The following GALNT17 variants were observed in gnomAD, a reference collection of about 807,000 sequenced individuals.
GALNT17 encodes the protein UDP-GalNAc:polypeptide N-acetylgalactosaminyltransferase-like 3.
In GALNT17, 29 loss-of-function variants were observed where a neutral mutation model predicts 63.7. The ratio of observed to expected loss-of-function variants is 0.46; its 90% confidence interval spans 0.34 to 0.62. GALNT17 has a LOEUF of 0.62. GALNT17 is among the 20% of genes least tolerant of loss of function. GALNT17 has a pLI of 0.01. For missense variants in GALNT17, 603 were observed against 799.6 expected (o/e 0.75, Z 2.97); for synonymous variants, 305 against 318.3 (o/e 0.96, Z 0.45).
intron 1 of GALNT17, among the ~76,000 whole-genome samples, chr7:71,234,982 G>A (rs147544960): frequency 1.1e-3 from 162 of 152,300 alleles, no homozygotes; most frequent in Middle Eastern, 0.01. Context: ...GGGGCGCGGT[G>A]GCTCATGCCT....
chr7:71,444,196 C>G (rs1370395920), intron 5 of GALNT17, among the ~76,000 whole-genome samples: 3 of 152,160 alleles, frequency 2.0e-5, no homozygotes, highest in African/African-American at 7.2e-5. Flanking sequence ...CCCATCTGAC[C>G]CAGATCTCTA....
At chr7:71,289,689 G>A (rs1281450943) in intron 1 of GALNT17, among the ~76,000 whole-genome samples, 2 of 152,098 alleles carry the variant, frequency 1.3e-5, no homozygotes, top group African/African-American at 4.8e-5. Flanking sequence ...AGACCAGCCT[G>A]ACCAAGATAG....
chr7:71,337,535 T>C (rs895420329), intron 2 of GALNT17, among the ~76,000 whole-genome samples: 2 of 152,132 alleles, frequency 1.3e-5, no homozygotes, highest in Admixed American at 6.6e-5. Flanking sequence ...AGGTTATTGT[T>C]TCAACTTACA....
intron 5 of GALNT17, among the ~76,000 whole-genome samples, chr7:71,555,513 A>G (rs1241072748): frequency 6.6e-6 from 1 of 150,788 alleles, no homozygotes. Flanking sequence ...TCATGACCCA[A>G]ACAGGTCCCA....
At chr7:71,670,716 G>A (rs568391531) in intron 8 of GALNT17, among the ~76,000 whole-genome samples, 1 of 152,266 alleles carries the variant, frequency 6.6e-6, no homozygotes, top group South Asian at 2.1e-4. Context: ...TTCACCTTAT[G>A]AGAGATTAGC....
intron 2 of GALNT17, among the ~76,000 whole-genome samples, chr7:71,338,988 C>T (rs1791961352): frequency 6.6e-6 from 1 of 152,166 alleles, no homozygotes. Context: ...TTTTGTGTCC[C>T]TGGACTTTTG....
chr7:71,440,150 G>A (rs1186315535), intron 5 of GALNT17, among the ~76,000 whole-genome samples: 1 of 151,582 alleles, frequency 6.6e-6, no homozygotes, highest in South Asian at 2.1e-4. Flanking sequence ...GACTGGTCTC[G>A]AACTCCTGAC....
intron 1 of GALNT17, among the ~76,000 whole-genome samples, chr7:71,311,402 T>C (rs768705485): frequency 6.6e-6 from 1 of 152,190 alleles, no homozygotes; most frequent in Non-Finnish European, 1.5e-5. Context: ...AAGCATCTTA[T>C]GTTTGGAGAT....
chr7:71,357,672 C>G (rs1001946033), intron 2 of GALNT17, among the ~76,000 whole-genome samples: 15 of 152,066 alleles, frequency 9.9e-5, no homozygotes, highest in African/African-American at 3.6e-4. Flanking sequence ...TTTGGGAGGT[C>G]AAGGTGGGTG....
intron 5 of GALNT17, among the ~76,000 whole-genome samples, chr7:71,433,952 G>T (rs1786913725): frequency 4.7e-5 from 1 of 21,458 alleles, no homozygotes; most frequent in African/African-American, 2.9e-4. Context: ...ATAAAAGCAG[G>T]CAGGAATGTG....
chr7:71,202,868 A>G (rs545244673), intron 1 of GALNT17, among the ~76,000 whole-genome samples: 1 of 152,314 alleles, frequency 6.6e-6, no homozygotes, highest in South Asian at 2.1e-4. Flanking sequence ...ATTACGCAGT[A>G]TTTGACTTTC....
intron 1 of GALNT17, among the ~76,000 whole-genome samples, chr7:71,165,162 A>G (rs932199628): frequency 7.2e-5 from 11 of 152,230 alleles, no homozygotes; most frequent in African/African-American, 2.7e-4. Context: ...GCTCAAAATA[A>G]CAGAAAGCCT....
At chr7:71,488,162 T>A (rs1301840677) in intron 5 of GALNT17, among the ~76,000 whole-genome samples, 3 of 132,464 alleles carry the variant, frequency 2.3e-5, no homozygotes, top group Non-Finnish European at 3.2e-5. Context: ...AGCAAGACCC[T>A]ATCTCTTAAA....
At chr7:71,572,330 C>T (rs568297438) in intron 6 of GALNT17, among the ~76,000 whole-genome samples, 2 of 150,946 alleles carry the variant, frequency 1.3e-5, no homozygotes, top group East Asian at 3.9e-4. Flanking sequence ...AACAAAACCA[C>T]CATCTCCACA....
intron 1 of GALNT17, among the ~76,000 whole-genome samples, chr7:71,220,705 G>A (rs73365946): frequency 0.044 from 6,718 of 152,052 alleles, 496 homozygotes; most frequent in African/African-American, 0.15. Context: ...TGGTGTCCTC[G>A]TAAGAAAAGG....
chr7:71,681,960 T>A (rs1791272800), intron 9 of GALNT17, among the ~76,000 whole-genome samples: 1 of 152,144 alleles, frequency 6.6e-6, no homozygotes, highest in Non-Finnish European at 1.5e-5. Context: ...AGAGTCTCGC[T>A]CTGTCACCCA....
chr7:71,237,563 T>A (rs919634504), intron 1 of GALNT17, among the ~76,000 whole-genome samples: 5 of 150,894 alleles, frequency 3.3e-5, no homozygotes, highest in Non-Finnish European at 5.9e-5. Context: ...TGTACGCCTG[T>A]AGTCCCAGCT....
intron 6 of GALNT17, among the ~76,000 whole-genome samples, chr7:71,663,827 C>G (rs770989828): frequency 2.6e-5 from 4 of 152,128 alleles, no homozygotes; most frequent in Non-Finnish European, 5.9e-5. Flanking sequence ...TACTGGGAGA[C>G]TAAAGGTGGA....
chr7:71,319,660 TC>T (rs1382058116), intron 1 of GALNT17, among the ~76,000 whole-genome samples: 1 of 152,184 alleles, frequency 6.6e-6, no homozygotes, highest in Admixed American at 6.5e-5. Context: ...AACTCTTGAT[TC>T]CATGTTACAT....
Sources: allele counts gnomAD v4.1 joint callset (sites outside exome capture counted in the v4.1 genomes callset), GRCh38; gene constraint gnomAD v4.1.1; transcripts MANE v1.5; gene names NCBI Gene and HGNC (gene_info 2026-07-23, HGNC 2026-07-21).